The following FKBP15 variants were observed in gnomAD, a reference collection of about 807,000 sequenced individuals.
The protein encoded by FKBP15 is FKBP prolyl isomerase family member 15.
Under a neutral mutation model 158.1 loss-of-function variants are expected in FKBP15, and 106 were observed. That is an observed-to-expected ratio of 0.67 (90% CI 0.57 to 0.79). FKBP15 has a LOEUF of 0.79. Among genes scored for constraint, FKBP15 ranks in the 30% least tolerant of loss-of-function variants. FKBP15 has a pLI of 0.00. For synonymous variants in FKBP15, 547 were observed against 548.6 expected (o/e 1.00, Z 0.04); for missense variants, 1,287 against 1,479.1 (o/e 0.87, Z 2.13).
chr9:113,180,542 G>A (rs1337884278), intron 19 of FKBP15, among the ~76,000 whole-genome samples: 1 of 152,038 alleles, frequency 6.6e-6, no homozygotes, highest in Admixed American at 6.5e-5. Context: ...TTCTACTGCT[G>A]ACATGGAGAG....
intron 1 of FKBP15, 54 bp downstream of exon 1, chr9:113,221,137 A>G (rs1028543657): frequency 6.5e-7 from 1 of 1,546,156 alleles, no homozygotes. Flanking sequence ...CCCTCCAACA[A>G]TCCGCCGGTA....
At chr9:113,195,702 C>G (rs983568038) in intron 9 of FKBP15, among the ~76,000 whole-genome samples, 5 of 152,150 alleles carry the variant, frequency 3.3e-5, no homozygotes, top group Admixed American at 2.0e-4. Flanking sequence ...AATCCTATCA[C>G]ATTTGAACCT....
intron 18 of FKBP15, 93 bp downstream of exon 18, chr9:113,183,658 C>T (rs781289814): frequency 3.2e-5 from 25 of 778,382 alleles, no homozygotes; most frequent in South Asian, 1.7e-4. Flanking sequence ...GAAATACATA[C>T]GTACTGCCCT....
chr9:113,214,165 C>T (rs7859354), intron 1 of FKBP15, among the ~76,000 whole-genome samples: 71,698 of 151,946 alleles, frequency 0.47, 17,247 homozygotes, highest in South Asian at 0.58. Flanking sequence ...TGGCTAATTT[C>T]TATATTTTTT....
chr9:113,202,594 G>T lies in FKBP15; in HGVS notation c.435C>A (p.Asp145Glu). The stretch of plus-strand genomic sequence containing the variant: ...ACATGATGGACCAGTTCTGTCTCTG[G>T]TCATCATAAAAGGTGCTATAGTTAT... The part of the protein sequence containing the change: ...RPNNYSTFYD[D>E]QRQNWSIMFE... The change falls in exon 6 of 28, where the codon GAC becomes GAA. Residue 145 changes from aspartate to glutamate, a missense_variant. Asp to Glu is a conservative substitution (Grantham distance 45). Transcript: ENST00000238256. 1 of 1,580,106 alleles carries T rather than the reference G, an allele frequency of 6.3e-7. No individual in the cohort carries two copies. Among genetic ancestry groups the T allele is most frequent in the Non-Finnish European group, 8.6e-7 (1 of 1,161,740 alleles).
chr9:113,189,231 C>G (rs1352463165), intron 12 of FKBP15, among the ~76,000 whole-genome samples: 1 of 152,128 alleles, frequency 6.6e-6, no homozygotes, highest in Non-Finnish European at 1.5e-5. Context: ...AGAAAAACAT[C>G]CCAGTTTTAG....
In FKBP15 at chr9:113,170,592, C is replaced by T. The variant is rs745366625; in HGVS notation, c.2696G>A (p.Arg899Gln). 11 of 1,613,790 alleles carry T rather than the reference C, an allele frequency of 6.8e-6. No homozygotes were observed. The highest frequency in any genetic ancestry group is 1.7e-4 in the Middle Eastern group (1 of 6,060). ...AGATTCCTCCAGCTCAAACTCTCTC[C>T]GTAAGGACTGGAACACCTGGTTCAT... ...KIMNQVFQSL[R>Q]REFELEESYN... The change falls in exon 25 of 28, where the codon CGG (arginine) becomes CAG (glutamine). Residue 899 changes from arginine (R) to glutamine (Q), a missense_variant. Arg to Gln is a conservative substitution (Grantham distance 43). Transcript: ENST00000238256.
intron 12 of FKBP15, 108 bp from the exon 13 acceptor site, chr9:113,188,599 G>T: frequency 1.2e-6 from 1 of 862,790 alleles, no homozygotes. Flanking sequence ...TCTAGGCAAA[G>T]AAGAGGAAGG....
intron 13 of FKBP15, 58 bp from the exon 14 acceptor site, chr9:113,187,957 A>C: frequency 7.9e-7 from 1 of 1,264,050 alleles, no homozygotes; most frequent in Non-Finnish European, 1.1e-6. Flanking sequence ...GTGTGAGTCT[A>C]GACTAGCACC....
At position 113,169,589 on chromosome 9, in the gene FKBP15, G is replaced by C; in HGVS notation, c.3120C>G (p.Pro1040=). The change falls in exon 26 of 28, where the codon CCC becomes CCG. Residue 1040 remains proline (P), a synonymous_variant. Coordinates refer to ENST00000238256, the MANE Select transcript of FKBP15 (RefSeq NM_015258.2). ...GGGGCTCAGGTGGAATTGAAGTCGG[G>C]GGCCCTAGAACTCTGTGGGATGGGA... ...SCIPSHRVLG[P]PTSIPPEPLG... 1.2e-6 allele frequency: 2 copies of C among 1,614,012 alleles called. No individual in the cohort carries two copies. The highest frequency in any genetic ancestry group is 1.7e-6 in the Non-Finnish European group (2 of 1,179,890).
In FKBP15 at chr9:113,187,766, A is replaced by G. The variant is rs1309954939; in HGVS notation, c.1383+27T>C. On this transcript the variant is annotated intron_variant, in intron 14 of 27. Transcript: ENST00000238256. ...CTAGAACCACAGCAAATTATAGGAT[A>G]TAATTAATACGGTTATAAAATGTTA... is the stretch of plus-strand genomic sequence containing the variant. 5.8e-6 allele frequency: 9 copies of G among 1,542,216 alleles called. No individual in the cohort carries two copies. The East Asian group carries it at 1.6e-4, about 27-fold the overall frequency.
intron 11 of FKBP15, 68 bp from the exon 12 acceptor site, chr9:113,190,646 C>T: frequency 1.7e-6 from 2 of 1,172,490 alleles, no homozygotes; most frequent in Middle Eastern, 1.9e-4. Context: ...AGCTCTATCC[C>T]TTTGGCTCTT....
At chr9:113,217,718 G>A (rs929127119) in intron 1 of FKBP15, among the ~76,000 whole-genome samples, 2 of 152,066 alleles carry the variant, frequency 1.3e-5, no homozygotes, top group Non-Finnish European at 2.9e-5. Context: ...GCATGCGCCT[G>A]TAATCCCAGC....
At chr9:113,205,073 T>C (rs1038948149) in intron 4 of FKBP15, among the ~76,000 whole-genome samples, 12 of 152,190 alleles carry the variant, frequency 7.9e-5, no homozygotes, top group Admixed American at 5.9e-4. Context: ...GATAAAATCA[T>C]AAAACTCTTA....
At chr9:113,196,574 G>A (rs894699505) in intron 9 of FKBP15, among the ~76,000 whole-genome samples, 6 of 151,896 alleles carry the variant, frequency 4.0e-5, no homozygotes, top group Non-Finnish European at 7.4e-5. Flanking sequence ...TAGTAGAGAT[G>A]GGGTTTCACC....
chr9:113,162,162 T>G lies in FKBP15; in HGVS notation c.*3916A>C, dbSNP rs949792769. 1.3e-5 allele frequency: 4 copies of G among 317,022 alleles called. No homozygotes were observed. The highest frequency in any genetic ancestry group is 2.4e-5 in the Non-Finnish European group (4 of 166,346). The allele number at this position is 317,022 out of a possible 1,614,324, so 19.6% of individuals were successfully genotyped here. ...CATTTAGGGTCCCTGTTCTGCCCTC[T>G]GTCCAGCCCCAGCCTCACCTGTGCT... is the stretch of plus-strand genomic sequence containing the variant. On this transcript the variant is annotated 3_prime_UTR_variant, in exon 28 of 28. Transcript: ENST00000238256.
At chr9:113,173,631 TCATC>T in intron 22 of FKBP15, 26 bp from the exon 23 acceptor site, 1 of 1,607,230 alleles carries the variant, frequency 6.2e-7, no homozygotes, top group Non-Finnish European at 8.5e-7. Flanking sequence ...AATGACCATA[TCATC>T]CTTGGGGGTG....
chr9:113,199,373 C>A (rs1415209475), intron 7 of FKBP15, among the ~76,000 whole-genome samples: 1 of 152,056 alleles, frequency 6.6e-6, no homozygotes, highest in East Asian at 1.9e-4. Context: ...GTCTAAAGGT[C>A]TTTCTCTCAT....
At chr9:113,218,377 TTATATATATATATATA>T (rs10539484) in intron 1 of FKBP15, among the ~76,000 whole-genome samples, 10,771 of 101,480 alleles carry the variant, frequency 0.11, 753 homozygotes, top group East Asian at 0.4. Flanking sequence ...GTAAATACAA[TTATATATATATATATA>T]TATATATATA....
Sources: gnomAD v4.1 joint callset for allele counts (sites outside exome capture counted in the v4.1 genomes callset) on GRCh38, gnomAD v4.1.1 for gene constraint, MANE v1.5 for transcripts, NCBI Gene and HGNC (gene_info 2026-07-23, HGNC 2026-07-21) for gene names.